The following RSRC1 variants were observed in gnomAD, a reference collection of about 807,000 sequenced individuals.
The protein encoded by RSRC1 is serine/Arginine-related protein 53.
Under a neutral mutation model 49.1 loss-of-function variants are expected in RSRC1, and 39 were observed. That is an observed-to-expected ratio of 0.79 (90% CI 0.61 to 1.04). RSRC1 has a LOEUF of 1.04. Among genes scored for constraint, RSRC1 ranks in the 50% least tolerant of loss-of-function variants. The pLI, the probability that RSRC1 is intolerant of heterozygous loss-of-function variation, is 0.00. For missense variants in RSRC1, 388 were observed against 402.4 expected (o/e 0.96, Z 0.31); for synonymous variants, 143 against 130.8 (o/e 1.09, Z -0.63).
At chr3:158,343,913 A>G (rs1014486156) in intron 5 of RSRC1, among the ~76,000 whole-genome samples, 1 of 152,094 alleles carries the variant, frequency 6.6e-6, no homozygotes, top group South Asian at 2.1e-4. Flanking sequence ...ATGACTGAAA[A>G]TTTTCCAAAT....
At chr3:158,252,869 C>T (rs1724300045) in intron 4 of RSRC1, among the ~76,000 whole-genome samples, 1 of 152,108 alleles carries the variant, frequency 6.6e-6, no homozygotes, top group African/African-American at 2.4e-5. Flanking sequence ...AATTTCTTGG[C>T]ATATAGTTTC....
At chr3:158,324,560 A>T (rs1218373040) in intron 5 of RSRC1, among the ~76,000 whole-genome samples, 10 of 151,868 alleles carry the variant, frequency 6.6e-5, no homozygotes, top group African/African-American at 2.2e-4. Context: ...AAGGACATGA[A>T]CTCTTCCTTT....
At chr3:158,324,410 G>A (rs1728949230) in intron 5 of RSRC1, among the ~76,000 whole-genome samples, 1 of 152,218 alleles carries the variant, frequency 6.6e-6, no homozygotes, top group African/African-American at 2.4e-5. Context: ...AGGCCCCGGT[G>A]TGTGATGTTC....
At chr3:158,289,559 T>A (rs188537791) in intron 4 of RSRC1, among the ~76,000 whole-genome samples, 23 of 152,318 alleles carry the variant, frequency 1.5e-4, no homozygotes, top group African/African-American at 5.5e-4. Flanking sequence ...TAATAATCAG[T>A]CAGATCAAAA....
At chr3:158,323,492 G>C (rs1476450903) in intron 5 of RSRC1, among the ~76,000 whole-genome samples, 2 of 152,166 alleles carry the variant, frequency 1.3e-5, no homozygotes, top group African/African-American at 4.8e-5. Context: ...GTAGAAGAAA[G>C]TCACAAGTGT....
intron 4 of RSRC1, among the ~76,000 whole-genome samples, chr3:158,214,660 T>C (rs1721858294): frequency 6.6e-6 from 1 of 151,848 alleles, no homozygotes; most frequent in Admixed American, 6.6e-5. Flanking sequence ...TTTTCTAATT[T>C]TCCTTGTGAT....
intron 6 of RSRC1, among the ~76,000 whole-genome samples, chr3:158,377,521 C>A (rs1732439902): frequency 6.6e-6 from 1 of 152,112 alleles, no homozygotes; most frequent in Admixed American, 6.5e-5. Context: ...CTTGCTCCTT[C>A]TCTTGCTATG....
At chr3:158,430,783 T>C (rs1485399160) in intron 6 of RSRC1, among the ~76,000 whole-genome samples, 1 of 151,926 alleles carries the variant, frequency 6.6e-6, no homozygotes, top group Non-Finnish European at 1.5e-5. Context: ...CAGTACCTGG[T>C]ACAGTATATA....
At chr3:158,347,882 T>A (rs6797629) in intron 5 of RSRC1, among the ~76,000 whole-genome samples, 77,752 of 151,508 alleles carry the variant, frequency 0.51, 20,345 homozygotes, top group African/African-American at 0.6. Context: ...TTATTTTTTT[T>A]AAAAAAATTG....
intron 7 of RSRC1, among the ~76,000 whole-genome samples, chr3:158,470,349 C>CATATATATAT (rs1738075975): frequency 8.5e-6 from 1 of 118,214 alleles, no homozygotes; most frequent in African/African-American, 3.6e-5. Flanking sequence ...CACACACACA[C>CATATATATAT]ACACACACAC....
Position 158,318,709 on chromosome 3 carries a change from T to C in RSRC1, c.531+20634T>C, listed in dbSNP as rs563228277. Reference sequence around the variant, plus strand: ...GTATTTCCCTATTTGTTAGGCCACATAGACTGATCTTCCTGCATGGACTTA... The same window carrying C: ...GTATTTCCCTATTTGTTAGGCCACACAGACTGATCTTCCTGCATGGACTTA... On this transcript the variant is annotated intron_variant, in intron 5 of 9. Coordinates refer to ENST00000611884, the MANE Select transcript of RSRC1 (RefSeq NM_001271838.2). 2.5e-4 allele frequency among the ~76,000 whole-genome samples: 38 copies of C among 152,314 alleles called. No individual in the cohort carries two copies. In the South Asian group the frequency reaches 2.7e-3, roughly 11 times the overall value.
At chr3:158,223,192 A>G (rs184495562) in intron 4 of RSRC1, among the ~76,000 whole-genome samples, 2 of 151,458 alleles carry the variant, frequency 1.3e-5, no homozygotes, top group South Asian at 2.1e-4. Context: ...TTCTTGAAAT[A>G]CCTTCCTCTC....
chr3:158,283,552 A>T (rs981449881), intron 4 of RSRC1, among the ~76,000 whole-genome samples: 3 of 152,136 alleles, frequency 2.0e-5, no homozygotes, highest in East Asian at 3.8e-4. Flanking sequence ...GTGAAAATAC[A>T]TAACTATGTC....
intron 5 of RSRC1, among the ~76,000 whole-genome samples, chr3:158,353,889 C>CT (rs1731009005): frequency 6.6e-6 from 1 of 151,296 alleles, no homozygotes; most frequent in African/African-American, 2.4e-5. Flanking sequence ...AGTAAAAAGT[C>CT]ATAGTCTTGA....
chr3:158,115,413 T>A (rs1405674502), intron 1 of RSRC1, among the ~76,000 whole-genome samples: 1 of 152,108 alleles, frequency 6.6e-6, no homozygotes, highest in East Asian at 1.9e-4. Context: ...TGGGAATGAC[T>A]GTAGGTATCT....
intron 5 of RSRC1, among the ~76,000 whole-genome samples, chr3:158,301,479 T>C (rs575597029): frequency 5.8e-4 from 88 of 152,274 alleles, no homozygotes; most frequent in Middle Eastern, 3.4e-3. Context: ...CTTATTTATT[T>C]TGATGCTCAG....
intron 7 of RSRC1, among the ~76,000 whole-genome samples, chr3:158,513,254 G>C (rs940826082): frequency 5.3e-5 from 8 of 150,336 alleles, no homozygotes; most frequent in Non-Finnish European, 1.2e-4. Flanking sequence ...CTGTGGGTTT[G>C]TCATAGATAG....
intron 7 of RSRC1, among the ~76,000 whole-genome samples, chr3:158,495,269 GT>G (rs1191418490): frequency 6.6e-6 from 1 of 151,828 alleles, no homozygotes; most frequent in East Asian, 1.9e-4. Context: ...TTTTGTTTTT[GT>G]TTTTTGGGTT....
chr3:158,171,052 C>T (rs1323957158), intron 3 of RSRC1, among the ~76,000 whole-genome samples: 2 of 152,112 alleles, frequency 1.3e-5, no homozygotes, highest in African/African-American at 4.8e-5. Flanking sequence ...AAGAGAGAAC[C>T]AGAGAAAGAG....
Sources: allele counts gnomAD v4.1 joint callset (sites outside exome capture counted in the v4.1 genomes callset), GRCh38; gene constraint gnomAD v4.1.1; transcripts MANE v1.5; gene names NCBI Gene and HGNC (gene_info 2026-07-23, HGNC 2026-07-21).